Variants in LYRM4 observed in about 807,000 individuals in gnomAD.
The protein encoded by LYRM4 is LYR motif containing 4.
Under a neutral mutation model 11.7 loss-of-function variants are expected in LYRM4, and 9 were observed. The observed-to-expected ratio is 0.77, with a 90% CI of 0.46 to 1.34. The LOEUF is 1.34. LYRM4 is among the 40% of genes most tolerant of loss of function. The pLI is 0.00. For missense variants in LYRM4, 133 were observed against 112.5 expected (o/e 1.18, Z -0.82); for synonymous variants, 42 against 40.4 (o/e 1.04, Z -0.15).
chr6:5,226,541 T>C (rs75237467), intron 1 of LYRM4, among the ~76,000 whole-genome samples: 7,449 of 152,182 alleles, frequency 0.049, 589 homozygotes, highest in African/African-American at 0.16. Flanking sequence ...TGTGCCACCA[T>C]GCCCGGCTAA....
At chr6:5,170,482 TTTTATTTA>T (rs61679234) in intron 2 of LYRM4, among the ~76,000 whole-genome samples, 47,457 of 151,256 alleles carry the variant, frequency 0.31, 7,970 homozygotes, top group African/African-American at 0.45. Flanking sequence ...ACTTTATTTC[TTTTATTTA>T]TTTATTTATT....
At chr6:5,185,736 C>T (rs1760351540) in intron 2 of LYRM4, among the ~76,000 whole-genome samples, 1 of 152,182 alleles carries the variant, frequency 6.6e-6, no homozygotes, top group Admixed American at 6.5e-5. Flanking sequence ...TGAACCACCA[C>T]ACTTAAGTGA....
intron 2 of LYRM4, among the ~76,000 whole-genome samples, chr6:5,192,761 C>T (rs796111787): frequency 9.2e-5 from 14 of 152,302 alleles, no homozygotes; most frequent in African/African-American, 2.9e-4. Flanking sequence ...CGCGGTGGCC[C>T]GCGCCTGTAA....
At chr6:5,136,581 T>C (rs1757113514) in intron 2 of LYRM4, 10 of 980,410 alleles carry the variant, frequency 1.0e-5, no homozygotes, top group Admixed American at 6.1e-5. Context: ...CTTACTACAA[T>C]GCCTGGCACA....
intron 1 of LYRM4, among the ~76,000 whole-genome samples, chr6:5,250,010 CT>C (rs1764358835): frequency 6.6e-6 from 1 of 152,116 alleles, no homozygotes; most frequent in South Asian, 2.1e-4. Flanking sequence ...TGTAATCACA[CT>C]TAGCATACAA....
At chr6:5,116,177 T>C (rs1352394965) in intron 2 of LYRM4, among the ~76,000 whole-genome samples, 1 of 152,084 alleles carries the variant, frequency 6.6e-6, no homozygotes, top group African/African-American at 2.4e-5. Flanking sequence ...AAGCCACAAG[T>C]GGAAATACAG....
intron 2 of LYRM4, among the ~76,000 whole-genome samples, chr6:5,169,144 G>A (rs928483399): frequency 4.6e-5 from 7 of 151,978 alleles, no homozygotes; most frequent in African/African-American, 1.7e-4. Flanking sequence ...ACCCAGGTTA[G>A]CCAGAAACTC....
At chr6:5,169,409 G>T (rs1461177587) in intron 2 of LYRM4, among the ~76,000 whole-genome samples, 1 of 152,160 alleles carries the variant, frequency 6.6e-6, no homozygotes, top group Non-Finnish European at 1.5e-5. Flanking sequence ...TTTCAAGCAG[G>T]AATCCCTTTT....
the LYRM4 span, among the ~76,000 whole-genome samples, chr6:5,046,497 C>G: frequency 1.3e-5 from 2 of 152,186 alleles, no homozygotes; most frequent in Admixed American, 1.3e-4. Context: ...CGGAGTCTCT[C>G]GCGTGGCTGC....
chr6:5,050,543 A>G, the LYRM4 span, among the ~76,000 whole-genome samples: 1 of 151,820 alleles, frequency 6.6e-6, no homozygotes, highest in East Asian at 1.9e-4. Flanking sequence ...TTTCTTCTTT[A>G]TTTTTCCTTT....
the LYRM4 span, chr6:5,089,211 G>A: frequency 6.6e-6 from 1 of 152,134 alleles, no homozygotes; most frequent in South Asian, 2.1e-4. Flanking sequence ...ATGATAAAAT[G>A]AAACAATTTT....
At chr6:5,182,050 A>G (rs1581451737) in intron 2 of LYRM4, among the ~76,000 whole-genome samples, 1 of 152,246 alleles carries the variant, frequency 6.6e-6, no homozygotes, top group East Asian at 1.9e-4. Context: ...ATACTTTGTA[A>G]TAAGTAAACT....
In LYRM4 at chr6:5,213,913, C is replaced by G. The variant is rs184028584; in HGVS notation, c.207+2705G>C. ...TTTGCATATGTTAGTGTACTTGATC[C>G]TCACTACAACGCATGAAGTAGGGCT... On this transcript the variant is annotated intron_variant, in intron 2 of 2. Coordinates refer to ENST00000330636, the MANE Select transcript of LYRM4 (RefSeq NM_020408.6). Among the ~76,000 whole-genome samples the G allele has an allele frequency of 3.3e-5, 5 of 152,352 alleles. No homozygotes were observed. The East Asian group carries it at 9.6e-4, about 29-fold the overall frequency.
At chr6:5,212,301 A>G (rs1437707114) in intron 2 of LYRM4, among the ~76,000 whole-genome samples, 1 of 152,228 alleles carries the variant, frequency 6.6e-6, no homozygotes. Flanking sequence ...GAGTATCTTT[A>G]TTTAGAACAG....
intron 2 of LYRM4, among the ~76,000 whole-genome samples, chr6:5,199,452 T>C (rs1436669023): frequency 3.9e-5 from 6 of 152,216 alleles, no homozygotes; most frequent in Non-Finnish European, 7.3e-5. Context: ...ATCATGGTGA[T>C]GGTTGTGCAA....
At chr6:5,203,070 G>T (rs1223616927) in intron 2 of LYRM4, among the ~76,000 whole-genome samples, 1 of 152,130 alleles carries the variant, frequency 6.6e-6, no homozygotes, top group African/African-American at 2.4e-5. Context: ...GTTTGAACAT[G>T]CACACGTGAA....
the LYRM4 span, among the ~76,000 whole-genome samples, chr6:5,061,546 C>T: frequency 6.6e-6 from 1 of 152,220 alleles, no homozygotes; most frequent in African/African-American, 2.4e-5. Context: ...ACCAGGCTTA[C>T]GCAGATCAAA....
At chr6:5,082,479 C>T in the LYRM4 span, among the ~76,000 whole-genome samples, 2 of 152,104 alleles carry the variant, frequency 1.3e-5, no homozygotes, top group African/African-American at 4.8e-5. Context: ...AAGGCACCTC[C>T]CTCCCCCTGC....
At chr6:5,037,009 A>ATTTTTTTTTTTTTTTTTTTTTT in the LYRM4 span, among the ~76,000 whole-genome samples, 1 of 28,722 alleles carries the variant, frequency 3.5e-5, no homozygotes, top group Non-Finnish European at 6.7e-5. Flanking sequence ...TTTAGCTTGT[A>ATTTTTTTTTTTTTTTTTTTTTT]TTTTTTTTTT....
Sources: allele counts gnomAD v4.1 joint callset (sites outside exome capture counted in the v4.1 genomes callset), GRCh38; gene constraint gnomAD v4.1.1; transcripts MANE v1.5; gene names NCBI Gene and HGNC (gene_info 2026-07-23, HGNC 2026-07-21).